Variants in COPS9 observed in about 807,000 individuals in gnomAD.
The protein encoded by COPS9 is COP9 signalosome complex subunit 9.
Under a neutral mutation model 7.2 loss-of-function variants are expected in COPS9, and 8 were observed. The ratio of observed to expected loss-of-function variants is 1.11; its 90% CI spans 0.65 to 2.00. The LOEUF (loss-of-function observed/expected upper bound fraction) is 2.00. Ranked by LOEUF, COPS9 falls within the 30% of genes most tolerant of loss-of-function variation. The pLI, the probability that COPS9 is intolerant of heterozygous loss-of-function variation, is 0.00. For synonymous variants in COPS9, 39 were observed against 28.7 expected (o/e 1.36, Z -1.14); for missense variants, 74 against 77.7 (o/e 0.95, Z 0.18).
At position 240,136,027 on chromosome 2, in the gene COPS9, G is replaced by A. The variant is rs999702168; in HGVS notation, c.63+195C>T. ...CGGGCTAGGGCACACGCTTCCCGCCGCGGTCGGTCGCCGCCTTTCACCAGG... is the reference window on the plus strand; with the variant it reads ...CGGGCTAGGGCACACGCTTCCCGCCACGGTCGGTCGCCGCCTTTCACCAGG... On this transcript the variant is annotated intron_variant, in intron 1 of 2. Coordinates refer to ENST00000607357, the MANE Select transcript of COPS9 (RefSeq NM_001163424.2). 5 of 899,690 alleles carry A rather than the reference G, an allele frequency of 5.6e-6. 1 individual carries two copies. In the South Asian group the frequency reaches 6.8e-5, roughly 12 times the overall value. 55.7% of individuals were successfully genotyped at this position (899,690 alleles called of 1,614,324 possible). A position where few individuals can be genotyped will look rare whatever the true frequency, so the allele number is the denominator to read the frequency against.
chr2:240,130,639 G>C (rs914668883), downstream of COPS9, among the ~76,000 whole-genome samples: 3 of 152,258 alleles, frequency 2.0e-5, no homozygotes, highest in Admixed American at 2.0e-4. Context: ...AGGCCCAGCT[G>C]TGCACGGGCC....
downstream of COPS9, among the ~76,000 whole-genome samples, chr2:240,129,355 G>C (rs768499254): frequency 5.9e-5 from 9 of 152,114 alleles, no homozygotes; most frequent in Non-Finnish European, 8.8e-5. Context: ...TATAGAGAGG[G>C]GGGTCTCGTT....
chr2:240,130,689 A>G (rs776093217), downstream of COPS9: 88 of 731,916 alleles, frequency 1.2e-4, no homozygotes, highest in Non-Finnish European at 1.4e-4. Flanking sequence ...ACCTTAACAC[A>G]AGGTATCTGC....
At chr2:240,130,008 G>A, downstream of COPS9, 1 of 1,613,604 alleles carries the variant, frequency 6.2e-7, no homozygotes, top group East Asian at 2.2e-5. Flanking sequence ...CTGCTGGCTT[G>A]TCCTGGGCAG....
At chr2:240,130,399 C>T (rs563002065), downstream of COPS9, among the ~76,000 whole-genome samples, 2 of 152,392 alleles carry the variant, frequency 1.3e-5, no homozygotes, top group African/African-American at 4.8e-5. Context: ...CCCCTCTTCC[C>T]ACATGGGCGT....
downstream of COPS9, among the ~76,000 whole-genome samples, chr2:240,128,136 T>C (rs985710920): frequency 1.2e-4 from 19 of 152,288 alleles, no homozygotes; most frequent in Admixed American, 9.8e-4. Flanking sequence ...TCGCAGAAGG[T>C]GGGCGAATCA....
Position 240,132,585 on chromosome 2 carries a change from C to T in COPS9, c.136+1348G>A, listed in dbSNP as rs923054672. 2.0e-5 allele frequency among the ~76,000 whole-genome samples: 3 copies of T among 152,188 alleles called. No individual in the cohort carries two copies. Among genetic ancestry groups the T allele is most frequent in the African/African-American group, 7.2e-5 (3 of 41,448 alleles). On this transcript the variant is annotated intron_variant, in intron 2 of 2. Coordinates refer to ENST00000607357, the MANE Select transcript of COPS9 (RefSeq NM_001163424.2). The surrounding 1 kb of genome is among the most constrained non-coding windows in gnomAD (Gnocchi z 4.1). ...TGGGTCCCTCTCAGAGATGCTTTCC[C>T]GTCAGGATTCAAGGGCTGACTCTGG...
chr2:240,131,031 G>A lies in COPS9; in HGVS notation c.*20C>T, dbSNP rs755047625. On this transcript the variant is annotated 3_prime_UTR_variant, in exon 3 of 3. Transcript: ENST00000607357. ...GGCTCTGTACCAAGGGCTTGGCCCC[G>A]CCTGCAGCCAGAGGGCATCTCACTG... 14 of 1,612,382 alleles carry A rather than the reference G, an allele frequency of 8.7e-6. No homozygotes were observed. Among genetic ancestry groups the A allele is most frequent in the South Asian group, 7.7e-5 (7 of 90,382 alleles).
At chr2:240,128,153 T>C (rs534978648), downstream of COPS9, among the ~76,000 whole-genome samples, 35 of 152,314 alleles carry the variant, frequency 2.3e-4, no homozygotes, top group East Asian at 6.0e-3. Flanking sequence ...ATCACAGACC[T>C]TCCTCAAGCC....
chr2:240,130,446 A>T (rs895091075), downstream of COPS9, among the ~76,000 whole-genome samples: 1 of 152,224 alleles, frequency 6.6e-6, no homozygotes, highest in African/African-American at 2.4e-5. Context: ...GTGCATTTCC[A>T]CGTAGAAGGC....
downstream of COPS9, among the ~76,000 whole-genome samples, chr2:240,127,773 C>T (rs532104513): frequency 1.8e-4 from 27 of 152,258 alleles, no homozygotes; most frequent in African/African-American, 6.3e-4. Flanking sequence ...TTCAAAGTCC[C>T]TCTGTTGTTG....
downstream of COPS9, among the ~76,000 whole-genome samples, chr2:240,129,003 G>A (rs1376686373): frequency 2.0e-5 from 3 of 152,248 alleles, no homozygotes; most frequent in Non-Finnish European, 4.4e-5. Context: ...CCACACAGGA[G>A]CTTCTGGGGC....
chr2:240,136,248 C>T lies in COPS9; in HGVS notation c.37G>A (p.Ala13Thr). 2 of 1,567,166 alleles carry T rather than the reference C, an allele frequency of 1.3e-6. No homozygotes were observed. Among genetic ancestry groups the T allele is most frequent in the Non-Finnish European group, 8.6e-7 (1 of 1,160,342 alleles). The change falls in exon 1 of 3, where the codon GCC (alanine) becomes ACC (threonine). Residue 13 changes from alanine to threonine, a missense_variant. Ala to Thr is a moderately conservative substitution (Grantham distance 58). Coordinates refer to ENST00000607357, the MANE Select transcript of COPS9 (RefSeq NM_001163424.2). ...PAVDEMFPEG[A>T]GPYVDLDEAG... is the part of the protein sequence containing the mutation. ...TCGTCCAGGTCCACGTAGGGCCCGG[C>T]GCCCTCGGGGAACATCTCGTCCACC... is the stretch of plus-strand genomic sequence containing the variant.
chr2:240,130,324 C>G (rs1449525143), downstream of COPS9, among the ~76,000 whole-genome samples: 1 of 152,242 alleles, frequency 6.6e-6, no homozygotes, highest in African/African-American at 2.4e-5. Context: ...AGATGGATGT[C>G]AAACAGCAAC....
At chr2:240,128,907 C>T (rs552985381), downstream of COPS9, among the ~76,000 whole-genome samples, 86 of 152,338 alleles carry the variant, frequency 5.6e-4, no homozygotes, top group African/African-American at 1.9e-3. Flanking sequence ...CAGGTCTCAA[C>T]ATGTGCAGAA....
At chr2:240,129,944 C>T, downstream of COPS9, 1 of 1,614,052 alleles carries the variant, frequency 6.2e-7, no homozygotes, top group African/African-American at 1.3e-5. Flanking sequence ...CTGCTGCCTT[C>T]CCACGGACCC....
At chr2:240,131,585 G>A (rs758320894) in intron 2 of COPS9, among the ~76,000 whole-genome samples, 1 of 152,218 alleles carries the variant, frequency 6.6e-6, no homozygotes, top group Non-Finnish European at 1.5e-5. Context: ...TCCAGTAAGG[G>A]AGCGTGAATG....
downstream of COPS9, chr2:240,127,087 A>G (rs750943390): frequency 1.6e-5 from 16 of 1,031,350 alleles, no homozygotes; most frequent in Non-Finnish European, 2.1e-5. Flanking sequence ...AGAGAGGGGA[A>G]GGCTAAGTAC....
Position 240,136,210 on chromosome 2 carries a change from G to A in COPS9, c.63+12C>T, listed in dbSNP as rs750422635. ...TCCCCACGCTCGGAGACTCCCGCCG[G>A]GCCCGTGCCACCTCGTCCAGGTCCA... is the stretch of plus-strand genomic sequence containing the variant. On this transcript the variant is annotated intron_variant, in intron 1 of 2. Transcript: ENST00000607357. The A allele has an allele frequency of 6.5e-7, 1 of 1,535,532 alleles. No homozygotes were observed. The highest frequency in any genetic ancestry group is 8.7e-7 in the Non-Finnish European group (1 of 1,145,308).
Sources: allele counts gnomAD v4.1 joint callset (sites outside exome capture counted in the v4.1 genomes callset), GRCh38; gene constraint gnomAD v4.1.1; non-coding constraint Gnocchi (gnomAD v3.1); transcripts MANE v1.5; gene names NCBI Gene and HGNC (gene_info 2026-07-23, HGNC 2026-07-21).